Variants in PAM observed in about 807,000 individuals in gnomAD.
PAM encodes the protein peptidyl-glycine alpha-amidating monooxygenase.
Under a neutral mutation model 122.1 loss-of-function variants are expected in PAM, and 72 were observed. The ratio of observed to expected loss-of-function variants is 0.59; its 90% CI spans 0.49 to 0.72. PAM has a LOEUF of 0.72. Ranked by LOEUF, PAM falls within the 30% of genes least tolerant of loss-of-function variation. The pLI is 0.00. For synonymous variants in PAM, 389 were observed against 404.4 expected, an observed-to-expected ratio of 0.96 and a Z score of 0.46; for missense variants, 1,106 against 1,183.7, an observed-to-expected ratio of 0.93 and a Z score of 0.96.
At chr5:102,806,694 A>G (rs1368498884) in intron 1 of PAM, among the ~76,000 whole-genome samples, 1 of 152,200 alleles carries the variant, frequency 6.6e-6, no homozygotes, top group Non-Finnish European at 1.5e-5. Flanking sequence ...AATAGGAGTA[A>G]TTCCATTTTG....
chr5:102,998,204 C>T (rs1221782540), intron 16 of PAM, among the ~76,000 whole-genome samples: 1 of 152,032 alleles, frequency 6.6e-6, no homozygotes, highest in Non-Finnish European at 1.5e-5. Context: ...AATAATATGA[C>T]CAGAGATTTA....
At chr5:103,016,236 T>G (rs1173850677) in intron 21 of PAM, among the ~76,000 whole-genome samples, 4 of 152,208 alleles carry the variant, frequency 2.6e-5, no homozygotes, top group Non-Finnish European at 5.9e-5. Context: ...ACTTGATGAT[T>G]TCTAAAGTAC....
At chr5:102,808,418 G>A (rs892784306) in intron 1 of PAM, among the ~76,000 whole-genome samples, 1 of 152,152 alleles carries the variant, frequency 6.6e-6, no homozygotes, top group Non-Finnish European at 1.5e-5. Context: ...GTGTGTGTGG[G>A]CAGGCACATG....
At chr5:102,899,327 G>A (rs531535737) in intron 3 of PAM, among the ~76,000 whole-genome samples, 4 of 151,636 alleles carry the variant, frequency 2.6e-5, no homozygotes, top group South Asian at 2.1e-4. Context: ...TGTATTATAT[G>A]TGACCATCAT....
At chr5:102,923,234 A>G (rs1581732073) in intron 5 of PAM, among the ~76,000 whole-genome samples, 2 of 152,316 alleles carry the variant, frequency 1.3e-5, no homozygotes, top group East Asian at 3.9e-4. Context: ...CTAGAAGCAG[A>G]AAATACGGTA....
At chr5:102,805,424 T>C (rs1765962681) in intron 1 of PAM, among the ~76,000 whole-genome samples, 1 of 152,188 alleles carries the variant, frequency 6.6e-6, no homozygotes, top group African/African-American at 2.4e-5. Context: ...ACACTATTGT[T>C]TGGATGTCTT....
At chr5:102,891,275 A>C (rs1794714321) in intron 3 of PAM, among the ~76,000 whole-genome samples, 2 of 151,884 alleles carry the variant, frequency 1.3e-5, no homozygotes, top group Admixed American at 1.3e-4. Flanking sequence ...AGGACTAGCA[A>C]AAAAGGAGTT....
intron 7 of PAM, among the ~76,000 whole-genome samples, chr5:102,942,939 C>T (rs1329674088): frequency 6.6e-6 from 1 of 151,932 alleles, no homozygotes; most frequent in African/African-American, 2.4e-5. Flanking sequence ...TTCAGGCATA[C>T]TTTTTAGTAC....
rs144678189 is a variant in PAM, at chr5:102,893,228, C to T, written c.211-8128C>T. Among the ~76,000 whole-genome samples the T allele has an allele frequency of 4.0e-5, 6 of 151,824 alleles. No homozygotes were observed. The East Asian group carries it at 9.7e-4, about 25-fold the overall frequency. On this transcript the variant is annotated intron_variant, in intron 3 of 25. Transcript: ENST00000438793. ...TGAATGGGATTCATTGCCTCTGTTT[C>T]CTTAATTGGTGTCAATTTCAATAAC...
chr5:102,828,918 G>GTTT (rs58045947), intron 1 of PAM, among the ~76,000 whole-genome samples: 1 of 126,032 alleles, frequency 7.9e-6, no homozygotes, highest in Non-Finnish European at 1.7e-5. Context: ...CTACCTCAGG[G>GTTT]TTTTTTTTTT....
At chr5:102,944,364 G>T (rs1462256880) in intron 7 of PAM, among the ~76,000 whole-genome samples, 2 of 152,060 alleles carry the variant, frequency 1.3e-5, no homozygotes, top group African/African-American at 4.8e-5. Context: ...CCAGGTATTT[G>T]CCTGTGTACC....
chr5:102,999,034 T>C (rs867493937), intron 16 of PAM, among the ~76,000 whole-genome samples: 6 of 152,196 alleles, frequency 3.9e-5, no homozygotes, highest in Non-Finnish European at 8.8e-5. Context: ...CTTCACATGA[T>C]GGCAGGAAGA....
Position 102,842,910 on chromosome 5 carries a change from G to A in PAM, c.-373-22913G>A, listed in dbSNP as rs914139573. Among the ~76,000 whole-genome samples, 6 of 152,152 alleles carry A rather than the reference G, an allele frequency of 3.9e-5. No homozygotes were observed. The South Asian group carries it at 6.2e-4, about 16-fold the overall frequency. On this transcript the variant is annotated intron_variant, in intron 1 of 25. Transcript: ENST00000438793. ...AACAATGTTAGGATTTGGTAAATTCGCCATAATCTAGAGACATTCTTATCC... is the reference window on the plus strand; with the variant it reads ...AACAATGTTAGGATTTGGTAAATTCACCATAATCTAGAGACATTCTTATCC...
intron 1 of PAM, among the ~76,000 whole-genome samples, chr5:102,782,721 C>CTGTGTG (rs1460448799): frequency 4.1e-5 from 6 of 144,912 alleles, no homozygotes; most frequent in African/African-American, 1.6e-4. Context: ...CTCTCTCTCT[C>CTGTGTG]TCTCTGTGTG....
At position 102,762,308 on chromosome 5, in the gene PAM, TTGTC is replaced by T. The variant is rs1342263659; in HGVS notation, c.-374+6964_-374+6967del. ...AACAGCATGAAATTGGAAATACTCA[TTGTC>T]TGTTGTATTTCTGAAGATCAGAATT... On this transcript the variant is annotated intron_variant, in intron 1 of 25. Transcript: ENST00000438793. Among the ~76,000 whole-genome samples the T allele has an allele frequency of 3.3e-5, 5 of 152,338 alleles. No individual in the cohort carries two copies. The South Asian group carries it at 8.3e-4, about 25-fold the overall frequency.
chr5:102,758,298 G>A (rs1751238828), intron 1 of PAM, among the ~76,000 whole-genome samples: 1 of 151,720 alleles, frequency 6.6e-6, no homozygotes, highest in Non-Finnish European at 1.5e-5. Flanking sequence ...GGCTTTGATT[G>A]GACTCTCACA....
intron 1 of PAM, among the ~76,000 whole-genome samples, chr5:102,763,782 C>T (rs960634931): frequency 6.6e-6 from 1 of 152,178 alleles, no homozygotes; most frequent in East Asian, 1.9e-4. Context: ...TGAGGCTGGA[C>T]CCCTTGGCTG....
At chr5:102,823,353 G>T (rs1439641729) in intron 1 of PAM, among the ~76,000 whole-genome samples, 1 of 151,940 alleles carries the variant, frequency 6.6e-6, no homozygotes, top group East Asian at 1.9e-4. Flanking sequence ...CTAAATTTCA[G>T]GGAAGAACTT....
At chr5:102,961,741 T>C (rs568511218) in intron 14 of PAM, among the ~76,000 whole-genome samples, 5 of 152,086 alleles carry the variant, frequency 3.3e-5, no homozygotes, top group Non-Finnish European at 5.9e-5. Flanking sequence ...AGTTGCCATC[T>C]GCAGAGTTTA....
Sources: allele counts gnomAD v4.1 joint callset (sites outside exome capture counted in the v4.1 genomes callset), GRCh38; gene constraint gnomAD v4.1.1; transcripts MANE v1.5; gene names NCBI Gene and HGNC (gene_info 2026-07-23, HGNC 2026-07-21).